GOLGA6B: variants seen among roughly 807,000 people sequenced by gnomAD.
GOLGA6B encodes golgin subfamily A member 6B.
GOLGA6B carries 11 observed loss-of-function variants against 63.0 expected under a neutral mutation model. The ratio of observed to expected loss-of-function variants is 0.17; its 90% confidence interval spans 0.11 to 0.29. The LOEUF is 0.29. GOLGA6B is among the 10% of genes least tolerant of loss of function. The pLI, the probability that GOLGA6B is intolerant of heterozygous loss-of-function variation, is 1.00. For missense variants in GOLGA6B, 134 were observed against 563.8 expected, an observed-to-expected ratio of 0.24 and a Z score of 7.72; for synonymous variants, 46 against 232.6, an observed-to-expected ratio of 0.20 and a Z score of 7.30.
rs1158308760 is a variant in GOLGA6B, at chr15:72,667,700, AG to A, written c.*1359del. 6.6e-6 allele frequency among the ~76,000 whole-genome samples: 1 copy of A among 150,608 alleles called. No homozygotes were observed. The highest frequency in any genetic ancestry group is 1.5e-5 in the Non-Finnish European group (1 of 67,658). On this transcript the variant is annotated 3_prime_UTR_variant, in exon 18 of 18. Coordinates refer to ENST00000421285, the MANE Select transcript of GOLGA6B (RefSeq NM_018652.5). Reference sequence around the variant, plus strand: ...CCATTATTATAAACCAATATATGTGAGAGTACTTAGTTGAAACAAAAAGGAG... The same window carrying A: ...CCATTATTATAAACCAATATATGTGAAGTACTTAGTTGAAACAAAAAGGAG...
At chr15:72,663,991 G>T (rs3985415) in intron 12 of GOLGA6B, among the ~76,000 whole-genome samples, 1 of 130,174 alleles carries the variant, frequency 7.7e-6, no homozygotes, top group Non-Finnish European at 1.7e-5. Context: ...AAGAGAGGAA[G>T]CCTCTTAGGC....
intron 7 of GOLGA6B, among the ~76,000 whole-genome samples, chr15:72,661,005 C>T (rs1410612999): frequency 2.0e-5 from 3 of 151,576 alleles, no homozygotes; most frequent in Non-Finnish European, 2.9e-5. Flanking sequence ...CACTCCATAA[C>T]GGTTCAAACA....
rs1300812786 is a variant in GOLGA6B, at chr15:72,666,216, T to C, written c.1956T>C (p.Asp652=). The C allele has an allele frequency of 1.2e-5, 19 of 1,606,454 alleles. No individual in the cohort carries two copies. The highest frequency in any genetic ancestry group is 2.3e-5 in the East Asian group (1 of 44,280). Residue 652 remains aspartate (D), a splice_region_variant and synonymous_variant, in exon 18 of 18, where the codon GAT becomes GAC. Coordinates refer to ENST00000421285, the MANE Select transcript of GOLGA6B (RefSeq NM_018652.5). ...QELGAAGEQD[D]FYEVSLDNNV... ...ACCCCCGCCTCCCTCTCTCTGAAGA[T>C]TTTTATGAAGTGAGCCTGGACAACA...
Position 72,664,462 on chromosome 15 carries a change from G to A in GOLGA6B, c.1452G>A (p.Gln484=), listed in dbSNP as rs1463603641. 2 of 1,338,334 alleles carry A rather than the reference G, an allele frequency of 1.5e-6. No individual in the cohort carries two copies. Among genetic ancestry groups the A allele is most frequent in the East Asian group, 2.6e-5 (1 of 38,768 alleles). The allele number at this position is 1,338,334 out of a possible 1,614,324, so 82.9% of individuals were successfully genotyped here. A position where few individuals can be genotyped will look rare whatever the true frequency, so the allele number is the denominator to read the frequency against. Residue 484 remains glutamine (Q), a synonymous_variant, in exon 13 of 18, where the codon CAG becomes CAA. Coordinates refer to ENST00000421285, the MANE Select transcript of GOLGA6B (RefSeq NM_018652.5). Reference sequence around the variant, plus strand: ...AGCACCTAGAAGCTGCCAGCCAGCAGAACCAACAGCTAGAGACCCAGCTAA... The same window carrying A: ...AGCACCTAGAAGCTGCCAGCCAGCAAAACCAACAGCTAGAGACCCAGCTAA... ...DEEHLEAASQ[Q]NQQLETQLSL... is the part of the protein sequence containing the mutation.
At position 72,669,452 on chromosome 15, in the gene GOLGA6B, A is replaced by C. The variant is rs1176518075; in HGVS notation, c.*3110A>C. 6.6e-6 allele frequency among the ~76,000 whole-genome samples: 1 copy of C among 150,396 alleles called. No homozygotes were observed. The highest frequency in any genetic ancestry group is 1.5e-5 in the Non-Finnish European group (1 of 67,378). Reference sequence around the variant, plus strand: ...ATTCCAATGCAAGGCTTTATTTGCCAAGTTTTCTTAGAATGACTTTTACCA... The same window carrying C: ...ATTCCAATGCAAGGCTTTATTTGCCCAGTTTTCTTAGAATGACTTTTACCA... On this transcript the variant is annotated 3_prime_UTR_variant, in exon 18 of 18. Transcript: ENST00000421285.
intron 12 of GOLGA6B, among the ~76,000 whole-genome samples, chr15:72,663,947 T>G (rs1349468503): frequency 1.5e-5 from 2 of 130,196 alleles, no homozygotes; most frequent in Admixed American, 7.6e-5. Flanking sequence ...GACATGAGAT[T>G]TGAGGCTGGG....
In GOLGA6B at chr15:72,667,767, G is replaced by A. The variant is rs1207528046; in HGVS notation, c.*1425G>A. Among the ~76,000 whole-genome samples the A allele has an allele frequency of 1.7e-3, 118 of 69,118 alleles. No individual in the cohort carries two copies. The highest frequency in any genetic ancestry group is 3.8e-3 in the African/African-American group (113 of 29,560). 45.3% of individuals were successfully genotyped at this position (69,118 alleles called of 152,430 possible). The stretch of plus-strand genomic sequence containing the variant: ...TTATACTACACATGAAAATCAAGGC[G>A]AAGTTTATGCAACTTAAAATGTTTA... On this transcript the variant is annotated 3_prime_UTR_variant, in exon 18 of 18. Coordinates refer to ENST00000421285, the MANE Select transcript of GOLGA6B (RefSeq NM_018652.5).
rs2064638798 is a variant in GOLGA6B at position 72,666,198 on chromosome 15, C to G, written c.1955-17C>G. On this transcript the variant is annotated splice_polypyrimidine_tract_variant and intron_variant, in intron 17 of 17. Transcript: ENST00000421285. ...GGCTCGCACTGTGCTCAGACCCCCG[C>G]CTCCCTCTCTCTGAAGATTTTTATG... 3.7e-6 allele frequency: 6 copies of G among 1,606,998 alleles called. No homozygotes were observed. The highest frequency in any genetic ancestry group is 5.1e-6 in the Non-Finnish European group (6 of 1,178,126).
Position 72,662,264 on chromosome 15 carries a change from C to T in GOLGA6B, c.860C>T (p.Ser287Phe). 1 of 1,381,706 alleles carries T rather than the reference C, an allele frequency of 7.2e-7. No homozygotes were observed. Among genetic ancestry groups the T allele is most frequent in the Non-Finnish European group, 9.8e-7 (1 of 1,022,132 alleles). The allele number at this position is 1,381,706 out of a possible 1,614,324, so 85.6% of individuals were successfully genotyped here. ...ELKNQMAKPP[S>F]LAPPAVTSVV... ...CTTCATTTCTCAGCTAAGCCCCCAT[C>T]CCTGGCGCCCCCAGCAGTGACCTCT... The change falls in exon 11 of 18, where the codon TCC (serine) becomes TTC (phenylalanine). Residue 287 changes from serine (S) to phenylalanine (F), a missense_variant. Transcript: ENST00000421285.
Position 72,664,456 on chromosome 15 carries a change from C to G in GOLGA6B, c.1446C>G (p.Ser482Arg), listed in dbSNP as rs1189059766. The G allele has an allele frequency of 1.5e-5, 20 of 1,329,814 alleles. 6 individuals are homozygous for G. The highest frequency in any genetic ancestry group is 2.1e-5 in the Non-Finnish European group (20 of 969,006). The allele number at this position is 1,329,814 out of a possible 1,614,324, so 82.4% of individuals were successfully genotyped here. ...KLDEEHLEAA[S>R]QQNQQLETQL... ...CTTAGGAGCACCTAGAAGCTGCCAGCCAGCAGAACCAACAGCTAGAGACCC... is the reference window on the plus strand; with the variant it reads ...CTTAGGAGCACCTAGAAGCTGCCAGGCAGCAGAACCAACAGCTAGAGACCC... The change falls in exon 13 of 18, where the codon AGC becomes AGG. Residue 482 changes from serine to arginine, a missense_variant. Transcript: ENST00000421285.
At chr15:72,657,325 T>G (rs2064580929) in intron 2 of GOLGA6B, among the ~76,000 whole-genome samples, 1 of 136,254 alleles carries the variant, frequency 7.3e-6, no homozygotes, top group African/African-American at 2.8e-5. Context: ...AGGAGAGGGG[T>G]CCAGTGAGCG....
At chr15:72,664,281 A>G (rs1256151662) in intron 12 of GOLGA6B, among the ~76,000 whole-genome samples, 155 bp from the exon 13 acceptor site, 1 of 130,094 alleles carries the variant, frequency 7.7e-6, no homozygotes, top group Non-Finnish European at 1.7e-5. Context: ...CTCGTGGACC[A>G]GCTGCAGCAG....
intron 12 of GOLGA6B, among the ~76,000 whole-genome samples, chr15:72,663,927 T>C (rs2064616266): frequency 7.7e-6 from 1 of 130,334 alleles, no homozygotes; most frequent in African/African-American, 2.6e-5. Context: ...GTTTAAATGG[T>C]GGGAAGAAGG....
chr15:72,666,303 G>C lies in GOLGA6B; in HGVS notation c.2043G>C (p.Gln681His), dbSNP rs2064639623. ...CTCCCCATGACAACCCCACTGTACA[G>C]CAGATCGTGCAGCTGTCTCCTGTCA... ...EGSPHDNPTV[Q>H]QIVQLSPVMQ... is the part of the protein sequence containing the mutation. Residue 681 changes from glutamine to histidine, a missense_variant, in exon 18 of 18, where the codon CAG becomes CAC. Coordinates refer to ENST00000421285, the MANE Select transcript of GOLGA6B (RefSeq NM_018652.5). 1 of 1,576,422 alleles carries C rather than the reference G, an allele frequency of 6.3e-7. No individual in the cohort carries two copies. The highest frequency in any genetic ancestry group is 1.5e-5 in the African/African-American group (1 of 68,348).
rs537471527 is a variant in GOLGA6B at position 72,657,664 on chromosome 15, C to A, written c.205-894C>A. On this transcript the variant is annotated intron_variant, in intron 2 of 17. Transcript: ENST00000421285. Reference sequence around the variant, plus strand: ...TAACCACTCCAATGGGGTAGTGCTCCCCCATTGGACAAGTGGAAGGTGAGG... The same window carrying A: ...TAACCACTCCAATGGGGTAGTGCTCACCCATTGGACAAGTGGAAGGTGAGG... 2.6e-3 allele frequency among the ~76,000 whole-genome samples: 104 copies of A among 40,724 alleles called. 1 individual carries two copies. Among genetic ancestry groups the A allele is most frequent in the African/African-American group, 0.011 (84 of 7,608 alleles). The allele number at this position is 40,724 out of a possible 152,430, so 26.7% of individuals were successfully genotyped here. A position where few individuals can be genotyped will look rare whatever the true frequency, so the allele number is the denominator to read the frequency against.
At position 72,662,389 on chromosome 15, in the gene GOLGA6B, A is replaced by C. The variant is rs2064604259; in HGVS notation, c.985A>C (p.Ser329Arg). The stretch of plus-strand genomic sequence containing the variant: ...CCAGGTGGAAAACAATCAGGCCTTG[A>C]GTCTCCTTAGCAAGGAACAAAAGCA... ...QSQVENNQAL[S>R]LLSKEQKQRL... The change falls in exon 11 of 18, where the codon AGT becomes CGT. Residue 329 changes from serine (S) to arginine (R), a missense_variant. Coordinates refer to ENST00000421285, the MANE Select transcript of GOLGA6B (RefSeq NM_018652.5). 1.0e-5 allele frequency: 14 copies of C among 1,393,992 alleles called. 4 individuals carry two copies. Among genetic ancestry groups the C allele is most frequent in the Non-Finnish European group, 1.3e-5 (13 of 1,027,268 alleles). The allele number at this position is 1,393,992 out of a possible 1,614,324, so 86.4% of individuals were successfully genotyped here. A position where few individuals can be genotyped will look rare whatever the true frequency, so the allele number is the denominator to read the frequency against.
rs911285767 is a variant in GOLGA6B, at chr15:72,663,419, CTT to C, written c.1425+316_1425+317del. On this transcript the variant is annotated intron_variant, in intron 12 of 17. Coordinates refer to ENST00000421285, the MANE Select transcript of GOLGA6B (RefSeq NM_018652.5). ...GTGGCTCGCACCTGTAATCCCAGCACTTTGGGAGGCTGAGGCAGGAGAATCAC... is the reference window on the plus strand; with the variant it reads ...GTGGCTCGCACCTGTAATCCCAGCACTGGGAGGCTGAGGCAGGAGAATCAC... 1.7e-5 allele frequency among the ~76,000 whole-genome samples: 2 copies of C among 118,138 alleles called. 1 individual carries two copies. The highest frequency in any genetic ancestry group is 3.7e-5 in the Non-Finnish European group (2 of 54,010). 77.5% of individuals were successfully genotyped at this position (118,138 alleles called of 152,430 possible).
In GOLGA6B at chr15:72,666,616, TC is replaced by T. The variant is rs1277123506; in HGVS notation, c.*276del. On this transcript the variant is annotated 3_prime_UTR_variant, in exon 18 of 18. Transcript: ENST00000421285. ...TCTTTCCCTGATGTTCTTTCTGGCA[TC>T]CTTTAGCATTTTTATTTTTAATTTG... is the stretch of plus-strand genomic sequence containing the variant. Among the ~76,000 whole-genome samples the T allele has an allele frequency of 3.1e-5, 3 of 96,206 alleles. No individual in the cohort carries two copies. The highest frequency in any genetic ancestry group is 6.1e-5 in the Non-Finnish European group (3 of 49,506). 63.1% of individuals were successfully genotyped at this position (96,206 alleles called of 152,430 possible). A position where few individuals can be genotyped will look rare whatever the true frequency, so the allele number is the denominator to read the frequency against.
rs188189966 is a variant in GOLGA6B, at chr15:72,663,900, C to A, written c.1426-536C>A. 9.7e-4 allele frequency among the ~76,000 whole-genome samples: 126 copies of A among 130,044 alleles called. 31 individuals carry two copies. The highest frequency in any genetic ancestry group is 1.6e-3 in the Non-Finnish European group (94 of 57,646). The allele number at this position is 130,044 out of a possible 152,430, so 85.3% of individuals were successfully genotyped here. A position where few individuals can be genotyped will look rare whatever the true frequency, so the allele number is the denominator to read the frequency against. ...GTGGTTGGCTCCCTCTGCTTTTCCG[C>A]CAGTCTGTGGCCTACAGTTTAAATG... On this transcript the variant is annotated intron_variant, in intron 12 of 17. Coordinates refer to ENST00000421285, the MANE Select transcript of GOLGA6B (RefSeq NM_018652.5).
Sources: allele counts gnomAD v4.1 joint callset (sites outside exome capture counted in the v4.1 genomes callset), GRCh38; gene constraint gnomAD v4.1.1; transcripts MANE v1.5; gene names NCBI Gene and HGNC (gene_info 2026-07-23, HGNC 2026-07-21).